The following NRXN3 variants were observed in gnomAD, a reference collection of about 807,000 sequenced individuals.
The protein encoded by NRXN3 is neurexin III.
A neutral mutation model predicts 137.6 loss-of-function variants in NRXN3; 32 were observed. That is an observed-to-expected ratio of 0.23 (90% CI 0.18 to 0.31). The LOEUF is 0.31. NRXN3 is among the 10% of genes least tolerant of loss of function. The pLI is 1.00. For missense variants in NRXN3, 1,574 were observed against 2,062.5 expected (o/e 0.76, Z 4.59); for synonymous variants, 798 against 784.5 (o/e 1.02, Z -0.29).
chr14:78,797,808 T>C (rs2098826606), intron 8 of NRXN3, among the ~76,000 whole-genome samples: 1 of 152,130 alleles, frequency 6.6e-6, no homozygotes, highest in African/African-American at 2.4e-5. Flanking sequence ...AAAAGGCACC[T>C]CTTACATGGT....
chr14:79,084,740 C>T (rs751723417), intron 15 of NRXN3, among the ~76,000 whole-genome samples: 2 of 152,008 alleles, frequency 1.3e-5, no homozygotes, highest in Non-Finnish European at 2.9e-5. Context: ...AGTCATCAAT[C>T]GTATTGATTT....
At chr14:79,123,812 AGG>A (rs2055911595) in intron 15 of NRXN3, among the ~76,000 whole-genome samples, 2 of 152,174 alleles carry the variant, frequency 1.3e-5, no homozygotes, top group African/African-American at 4.8e-5. Flanking sequence ...AGAGCAGGCC[AGG>A]TAAGCAAAGT....
intron 15 of NRXN3, among the ~76,000 whole-genome samples, chr14:79,284,471 G>GTACCTTAAA (rs1337129569): frequency 6.7e-6 from 1 of 148,424 alleles, no homozygotes; most frequent in African/African-American, 2.5e-5. Context: ...GGTTTTATAT[G>GTACCTTAAA]TACCTTAAAT....
rs778159874 is a variant in NRXN3, at chr14:78,539,709, C to T, written c.758-105411C>T. Among the ~76,000 whole-genome samples, 92 of 152,170 alleles carry T rather than the reference C, an allele frequency of 6.0e-4. 1 individual carries two copies. Among genetic ancestry groups the T allele is most frequent in the Non-Finnish European group, 1.2e-3 (80 of 68,010 alleles). ...TCTTTTAATTGTAATGTTAGGGTGTCGATTATAGATCCTTCCTGCTTTCTC... is the reference window on the plus strand; with the variant it reads ...TCTTTTAATTGTAATGTTAGGGTGTTGATTATAGATCCTTCCTGCTTTCTC... On this transcript the variant is annotated intron_variant, in intron 4 of 20. Transcript: ENST00000335750.
At chr14:79,008,300 A>G (rs1012453549) in intron 15 of NRXN3, among the ~76,000 whole-genome samples, 1 of 152,186 alleles carries the variant, frequency 6.6e-6, no homozygotes, top group Non-Finnish European at 1.5e-5. Flanking sequence ...AAGGACAGAA[A>G]ATGTTAAACA....
chr14:79,202,771 A>G (rs1292592278), intron 15 of NRXN3, among the ~76,000 whole-genome samples: 1 of 151,876 alleles, frequency 6.6e-6, no homozygotes, highest in South Asian at 2.1e-4. Context: ...TTCTTTATCC[A>G]CTCATTGATT....
At chr14:78,229,852 A>G (rs2065150106) in intron 1 of NRXN3, among the ~76,000 whole-genome samples, 1 of 152,070 alleles carries the variant, frequency 6.6e-6, no homozygotes. Flanking sequence ...TGGTAGCACC[A>G]TATACTCTCT....
intron 15 of NRXN3, among the ~76,000 whole-genome samples, chr14:79,049,471 T>A (rs1464959332): frequency 1.3e-5 from 2 of 152,206 alleles, no homozygotes; most frequent in Non-Finnish European, 2.9e-5. Context: ...AGTTACTTCC[T>A]ATGCCAAAGT....
At chr14:79,046,535 A>G (rs550488623) in intron 15 of NRXN3, among the ~76,000 whole-genome samples, 135 of 152,242 alleles carry the variant, frequency 8.9e-4, no homozygotes, top group South Asian at 2.1e-3. Context: ...TTTCTGTCAA[A>G]TCCCTCCCTG....
chr14:79,398,313 G>A (rs1193042124), intron 15 of NRXN3, among the ~76,000 whole-genome samples: 1 of 152,152 alleles, frequency 6.6e-6, no homozygotes, highest in African/African-American at 2.4e-5. Context: ...GATCCTCTTA[G>A]AATGCCCTAT....
chr14:79,137,956 T>C (rs1174488612), intron 15 of NRXN3, among the ~76,000 whole-genome samples: 2 of 152,178 alleles, frequency 1.3e-5, no homozygotes, highest in African/African-American at 4.8e-5. Context: ...TCTGTACCTA[T>C]GGCACGTGTT....
chr14:79,325,583 A>G (rs1317112501), intron 15 of NRXN3, among the ~76,000 whole-genome samples: 1 of 152,154 alleles, frequency 6.6e-6, no homozygotes, highest in Non-Finnish European at 1.5e-5. Flanking sequence ...CCTAGTGGCT[A>G]TTTTTAATTT....
In NRXN3 at chr14:79,625,365, A is replaced by G. The variant is rs150335109; in HGVS notation, c.3445-38413A>G. On this transcript the variant is annotated intron_variant, in intron 16 of 20. Coordinates refer to ENST00000335750, the MANE Select transcript of NRXN3 (RefSeq NM_001330195.2). ...ATAACTATAAAGACATGAACCAACT[A>G]TCAGGGGATGTTTGGGTTGTTTCCA... is the stretch of plus-strand genomic sequence containing the variant. Among the ~76,000 whole-genome samples the G allele has an allele frequency of 9.2e-5, 14 of 152,306 alleles. No homozygotes were observed. In the East Asian group the frequency reaches 1.7e-3, roughly 19 times the overall value.
intron 16 of NRXN3, among the ~76,000 whole-genome samples, chr14:79,472,916 T>A (rs1030733086): frequency 6.6e-6 from 1 of 152,184 alleles, no homozygotes; most frequent in East Asian, 1.9e-4. Context: ...TGGGCAATAA[T>A]TAGCTTCCCT....
At chr14:78,535,440 AG>A (rs1265417935) in intron 4 of NRXN3, among the ~76,000 whole-genome samples, 1 of 152,244 alleles carries the variant, frequency 6.6e-6, no homozygotes, top group Non-Finnish European at 1.5e-5. Context: ...GGTGTTAGAA[AG>A]ACCTAATTTC....
In NRXN3 at chr14:79,705,547, G is replaced by A. The variant is rs1034751064; in HGVS notation, c.4014+7610G>A. 1.8e-4 allele frequency among the ~76,000 whole-genome samples: 28 copies of A among 152,106 alleles called. 1 individual carries two copies. Among genetic ancestry groups the A allele is most frequent in the African/African-American group, 6.8e-4 (28 of 41,430 alleles). ...AAATATTTCAGCAAATGAAAACAAA[G>A]TTTTAGCAAACCCCCGTTAAATCTT... On this transcript the variant is annotated intron_variant, in intron 19 of 20. Transcript: ENST00000335750.
chr14:78,655,378 T>A (rs2097776494), intron 6 of NRXN3, among the ~76,000 whole-genome samples: 1 of 152,184 alleles, frequency 6.6e-6, no homozygotes, highest in Admixed American at 6.5e-5. Flanking sequence ...TAAGTGAATA[T>A]CCATTAACAC....
At chr14:79,757,437 A>C (rs183646883) in intron 19 of NRXN3, among the ~76,000 whole-genome samples, 18 of 152,268 alleles carry the variant, frequency 1.2e-4, no homozygotes, top group Admixed American at 1.0e-3. Flanking sequence ...GGGTTTCCTG[A>C]TATTATTGAG....
At chr14:79,016,409 G>T (rs1326950813) in intron 15 of NRXN3, among the ~76,000 whole-genome samples, 3 of 152,160 alleles carry the variant, frequency 2.0e-5, no homozygotes, top group Non-Finnish European at 4.4e-5. Context: ...TTAGATTTAG[G>T]AAACCTCTTA....
Sources: gnomAD v4.1 joint callset for allele counts (sites outside exome capture counted in the v4.1 genomes callset) on GRCh38, gnomAD v4.1.1 for gene constraint, MANE v1.5 for transcripts, NCBI Gene and HGNC (gene_info 2026-07-23, HGNC 2026-07-21) for gene names.